The following CSMD1 variants were observed in gnomAD, a reference collection of about 807,000 sequenced individuals.
CSMD1 encodes the protein CUB and sushi domain-containing protein 1.
CSMD1 carries 213 observed loss-of-function variants against 417.5 expected under a neutral mutation model. The ratio of observed to expected loss-of-function variants is 0.51; its 90% CI spans 0.46 to 0.57. The LOEUF (loss-of-function observed/expected upper bound fraction) is 0.57, where lower values mean the gene tolerates loss of function less well. CSMD1 is among the 20% of genes least tolerant of loss of function. The pLI, the probability that CSMD1 is intolerant of heterozygous loss-of-function variation, is 0.00. For synonymous variants in CSMD1, 2,862 were observed against 1,736.8 expected (o/e 1.65, Z -16.11); for missense variants, 6,923 against 4,529.7 (o/e 1.53, Z -15.17).
chr8:3,410,972 T>A (rs1339821318), intron 12 of CSMD1, among the ~76,000 whole-genome samples: 2 of 152,064 alleles, frequency 1.3e-5, no homozygotes, highest in African/African-American at 4.8e-5. Context: ...AAGATGGCAA[T>A]CAGCCCTTCG....
intron 5 of CSMD1, among the ~76,000 whole-genome samples, chr8:3,918,479 G>A (rs1172582461): frequency 2.0e-5 from 3 of 152,180 alleles, no homozygotes; most frequent in East Asian, 1.9e-4. Flanking sequence ...CCTGTTGGAC[G>A]TTTGTATGTC....
intron 3 of CSMD1, among the ~76,000 whole-genome samples, chr8:4,039,986 G>A (rs1035687493): frequency 1.3e-5 from 2 of 152,296 alleles, no homozygotes; most frequent in African/African-American, 2.4e-5. Flanking sequence ...AGGGCACTCG[G>A]TACAGGTTAA....
intron 3 of CSMD1, among the ~76,000 whole-genome samples, chr8:4,060,053 T>A (rs1240440239): frequency 6.6e-6 from 1 of 152,186 alleles, no homozygotes; most frequent in Admixed American, 6.5e-5. Context: ...AATAAAATAC[T>A]GGCAAACCGA....
At chr8:3,566,234 G>C (rs920118591) in intron 10 of CSMD1, among the ~76,000 whole-genome samples, 2 of 152,106 alleles carry the variant, frequency 1.3e-5, no homozygotes, top group South Asian at 2.1e-4. Context: ...AAGGGGATGA[G>C]AAAAAGGAGG....
chr8:4,716,897 CA>C lies in CSMD1; in HGVS notation c.86-79340del, dbSNP rs1217327423. ...GAAATTAATTCTCTAGAAGATTAAGCAAAAAAATCATATCTAGACTTTAACA... is the reference window on the plus strand; with the variant it reads ...GAAATTAATTCTCTAGAAGATTAAGCAAAAAATCATATCTAGACTTTAACA... On this transcript the variant is annotated intron_variant, in intron 1 of 69. Coordinates refer to ENST00000635120, the MANE Select transcript of CSMD1 (RefSeq NM_033225.6). Among the ~76,000 whole-genome samples, 6 of 151,742 alleles carry C rather than the reference CA, an allele frequency of 4.0e-5. No homozygotes were observed. In the East Asian group the frequency reaches 5.8e-4, roughly 15 times the overall value.
At chr8:4,072,415 C>A (rs950976217) in intron 3 of CSMD1, among the ~76,000 whole-genome samples, 5 of 152,128 alleles carry the variant, frequency 3.3e-5, no homozygotes, top group Non-Finnish European at 4.4e-5. Flanking sequence ...GCATTTTACA[C>A]CATTATATTA....
At chr8:4,893,402 T>G (rs1804259944) in intron 1 of CSMD1, among the ~76,000 whole-genome samples, 1 of 152,098 alleles carries the variant, frequency 6.6e-6, no homozygotes, top group Non-Finnish European at 1.5e-5. Context: ...TTTTTTTTCT[T>G]AATGTTTATA....
chr8:3,518,284 G>T (rs1404836409), intron 10 of CSMD1, among the ~76,000 whole-genome samples: 1 of 152,130 alleles, frequency 6.6e-6, no homozygotes, highest in Non-Finnish European at 1.5e-5. Context: ...ATATAAGAGA[G>T]AATTATTTCA....
intron 3 of CSMD1, among the ~76,000 whole-genome samples, chr8:4,387,733 A>C (rs553088561): frequency 2.6e-5 from 4 of 152,132 alleles, no homozygotes; most frequent in Non-Finnish European, 5.9e-5. Context: ...TAAAATAGAC[A>C]TATTTCTACA....
At chr8:4,610,220 C>A (rs979558533) in intron 2 of CSMD1, among the ~76,000 whole-genome samples, 2 of 152,038 alleles carry the variant, frequency 1.3e-5, no homozygotes, top group African/African-American at 4.8e-5. Flanking sequence ...GATACAGATG[C>A]AAGAAAGAGA....
chr8:4,830,678 C>T (rs1800098515), intron 1 of CSMD1, among the ~76,000 whole-genome samples: 1 of 152,190 alleles, frequency 6.6e-6, no homozygotes, highest in Non-Finnish European at 1.5e-5. Context: ...TTAATGCATG[C>T]CAACTAATGC....
Position 3,426,362 on chromosome 8 carries a change from T to C in CSMD1, c.1562-16757A>G, listed in dbSNP as rs370803776. On this transcript the variant is annotated intron_variant, in intron 12 of 69. Coordinates refer to ENST00000635120, the MANE Select transcript of CSMD1 (RefSeq NM_033225.6). ...TATCAGACAGTGATCATGAGACTCA[T>C]AGATACTTGGAACTCCCCTTTTGGA... Among the ~76,000 whole-genome samples the C allele has an allele frequency of 8.9e-4, 135 of 152,330 alleles. No individual in the cohort carries two copies. The South Asian group carries it at 0.016, about 18-fold the overall frequency.
At chr8:4,984,323 C>A (rs1247436912) in intron 1 of CSMD1, among the ~76,000 whole-genome samples, 3 of 152,178 alleles carry the variant, frequency 2.0e-5, no homozygotes, top group African/African-American at 7.2e-5. Flanking sequence ...TAGAAAGGAG[C>A]AAGGCCTAAC....
chr8:4,524,294 G>C (rs1796395189), intron 2 of CSMD1, among the ~76,000 whole-genome samples: 1 of 151,734 alleles, frequency 6.6e-6, no homozygotes, highest in Admixed American at 6.6e-5. Context: ...ACAAATATGT[G>C]TTAACAACCT....
chr8:3,190,799 T>A (rs139827069), intron 33 of CSMD1, among the ~76,000 whole-genome samples: 86 of 152,354 alleles, frequency 5.6e-4, no homozygotes, highest in African/African-American at 1.7e-3. Context: ...GAAATTCTGC[T>A]ATTTGTAATA....
In CSMD1 at chr8:3,110,262, G is replaced by A. The variant is rs561128917; in HGVS notation, c.6504C>T (p.Ile2168=). ...TGATGAGCCAAATGCAGTCCTTCAG[G>A]ATCGGATACTCATCAGGAAAGCCAG... ...YSPGFPDEYP[I]LKDCIWLITV... is the part of the protein sequence containing the mutation. Residue 2168 remains isoleucine, a synonymous_variant, in exon 43 of 70, where the codon ATC becomes ATT. Transcript: ENST00000635120. 3.9e-4 allele frequency: 623 copies of A among 1,613,488 alleles called. 7 individuals are homozygous for A. In the South Asian group the frequency reaches 6.6e-3, roughly 17 times the overall value.
At chr8:3,863,878 A>C (rs1468124129) in intron 5 of CSMD1, among the ~76,000 whole-genome samples, 1 of 152,194 alleles carries the variant, frequency 6.6e-6, no homozygotes, top group Non-Finnish European at 1.5e-5. Flanking sequence ...AGTTTCAAAG[A>C]TTCGTATGAT....
intron 3 of CSMD1, among the ~76,000 whole-genome samples, chr8:4,053,969 A>G (rs1289851767): frequency 7.2e-5 from 11 of 152,178 alleles, no homozygotes; most frequent in Admixed American, 7.2e-4. Flanking sequence ...CGTGCATTCA[A>G]AAGTATATAA....
intron 3 of CSMD1, among the ~76,000 whole-genome samples, chr8:4,292,675 T>C (rs1316815643): frequency 6.6e-6 from 1 of 152,206 alleles, no homozygotes. Context: ...CATGAAAATA[T>C]TCATTAGAAA....
Sources: gnomAD v4.1 joint callset for allele counts (sites outside exome capture counted in the v4.1 genomes callset) on GRCh38, gnomAD v4.1.1 for gene constraint, MANE v1.5 for transcripts, NCBI Gene and HGNC (gene_info 2026-07-23, HGNC 2026-07-21) for gene names.